DYNC1I1: variants seen among roughly 807,000 people sequenced by gnomAD.
DYNC1I1 encodes the protein cytoplasmic dynein 1 intermediate chain 1.
A neutral mutation model predicts 86.6 loss-of-function variants in DYNC1I1; 43 were observed. The ratio of observed to expected loss-of-function variants is 0.50; its 90% CI spans 0.39 to 0.64. DYNC1I1 has a LOEUF of 0.64. Ranked by LOEUF, DYNC1I1 falls within the 30% of genes least tolerant of loss-of-function variation. The pLI, the probability that DYNC1I1 is intolerant of heterozygous loss-of-function variation, is 0.00. For missense variants in DYNC1I1, 604 were observed against 788.8 expected (o/e 0.77, Z 2.81); for synonymous variants, 262 against 283.7 (o/e 0.92, Z 0.77).
chr7:96,081,125 T>G (rs1790508914), intron 16 of DYNC1I1, among the ~76,000 whole-genome samples: 1 of 151,526 alleles, frequency 6.6e-6, no homozygotes, highest in East Asian at 1.9e-4. Flanking sequence ...ATGCTAAAAT[T>G]GAAAAGTTGA....
intron 1 of DYNC1I1, among the ~76,000 whole-genome samples, chr7:95,794,608 T>C (rs1011304490): frequency 2.0e-5 from 3 of 152,254 alleles, no homozygotes; most frequent in Middle Eastern, 6.8e-3. Context: ...ACCCTATGGA[T>C]TGATTTTTCT....
intron 14 of DYNC1I1, among the ~76,000 whole-genome samples, chr7:96,074,073 G>T (rs767579065): frequency 4.6e-5 from 7 of 152,098 alleles, no homozygotes; most frequent in Non-Finnish European, 8.8e-5. Context: ...AAGAATTATA[G>T]AATCATAAAA....
At chr7:95,880,589 G>A (rs1231092725) in intron 6 of DYNC1I1, among the ~76,000 whole-genome samples, 1 of 151,312 alleles carries the variant, frequency 6.6e-6, no homozygotes, top group African/African-American at 2.4e-5. Context: ...CCTATTTCAG[G>A]AAATCAATTA....
chr7:96,012,088 C>A (rs1794289349), intron 10 of DYNC1I1, among the ~76,000 whole-genome samples: 1 of 152,040 alleles, frequency 6.6e-6, no homozygotes, highest in South Asian at 2.1e-4. Context: ...TGGCAGGAAG[C>A]TTATTGTTAC....
chr7:95,963,775 A>G (rs997575467), intron 6 of DYNC1I1, among the ~76,000 whole-genome samples: 2 of 152,156 alleles, frequency 1.3e-5, no homozygotes, highest in Non-Finnish European at 2.9e-5. Context: ...CTTTTGACCA[A>G]CCTGATGTTT....
chr7:95,774,914 A>G (rs925354458), intron 1 of DYNC1I1, among the ~76,000 whole-genome samples: 1 of 152,226 alleles, frequency 6.6e-6, no homozygotes, highest in Non-Finnish European at 1.5e-5. Flanking sequence ...CGTAGCATCA[A>G]ATGAAAAGGT....
intron 6 of DYNC1I1, among the ~76,000 whole-genome samples, chr7:95,938,773 G>C (rs1215395979): frequency 6.6e-6 from 1 of 152,166 alleles, no homozygotes; most frequent in Non-Finnish European, 1.5e-5. Flanking sequence ...GGTAGTGGTT[G>C]TGGTAGTGGT....
In DYNC1I1 at chr7:95,827,142, C is replaced by T. The variant is rs144576615; in HGVS notation, c.315-915C>T. On this transcript the variant is annotated intron_variant, in intron 4 of 16. Transcript: ENST00000447467. Reference sequence around the variant, plus strand: ...AACAAAGGGATGCAGGGGCTGAGAACTTATTAAACAGCACGCTCAATGTCA... The same window carrying T: ...AACAAAGGGATGCAGGGGCTGAGAATTTATTAAACAGCACGCTCAATGTCA... 1.2e-3 allele frequency among the ~76,000 whole-genome samples: 190 copies of T among 152,266 alleles called. 1 individual carries two copies. The highest frequency in any genetic ancestry group is 4.4e-3 in the African/African-American group (181 of 41,560).
intron 5 of DYNC1I1, among the ~76,000 whole-genome samples, chr7:95,867,360 A>G (rs888980431): frequency 6.6e-6 from 1 of 152,206 alleles, no homozygotes; most frequent in Non-Finnish European, 1.5e-5. Flanking sequence ...TCACAACTCA[A>G]TGACAGGTAC....
At chr7:96,047,316 G>A (rs150505463) in intron 14 of DYNC1I1, among the ~76,000 whole-genome samples, 2 of 152,134 alleles carry the variant, frequency 1.3e-5, no homozygotes, top group Admixed American at 1.3e-4. Context: ...CTGAAGCTCA[G>A]GGGCAAAGGA....
chr7:95,945,226 A>T (rs1324888856), intron 6 of DYNC1I1, among the ~76,000 whole-genome samples: 1 of 151,992 alleles, frequency 6.6e-6, no homozygotes, highest in African/African-American at 2.4e-5. Flanking sequence ...GGGAAAAAAG[A>T]AGTATTACTT....
intron 10 of DYNC1I1, among the ~76,000 whole-genome samples, chr7:96,000,611 G>T (rs998743390): frequency 1.3e-5 from 2 of 152,126 alleles, no homozygotes; most frequent in African/African-American, 4.8e-5. Flanking sequence ...GAGAATGACC[G>T]ATCCGATGAG....
chr7:96,079,098 C>T (rs1208980969), intron 15 of DYNC1I1, among the ~76,000 whole-genome samples: 2 of 151,626 alleles, frequency 1.3e-5, no homozygotes, highest in East Asian at 3.9e-4. Context: ...TTATTGATTT[C>T]AAGATTAAGT....
At chr7:95,901,419 A>G (rs541584361) in intron 6 of DYNC1I1, among the ~76,000 whole-genome samples, 14 of 152,242 alleles carry the variant, frequency 9.2e-5, no homozygotes, top group African/African-American at 3.4e-4. Context: ...TTTAAGAATA[A>G]TCACAAATGA....
At chr7:95,885,930 A>G (rs1192828271) in intron 6 of DYNC1I1, among the ~76,000 whole-genome samples, 1 of 152,172 alleles carries the variant, frequency 6.6e-6, no homozygotes, top group East Asian at 1.9e-4. Context: ...ACTTTGGGAG[A>G]TGAAAATAAT....
rs985639895 is a variant in DYNC1I1 at position 95,967,723 on chromosome 7, C to T, written c.491-9789C>T. Among the ~76,000 whole-genome samples the T allele has an allele frequency of 2.6e-5, 4 of 152,294 alleles. No homozygotes were observed. The South Asian group carries it at 8.3e-4, about 32-fold the overall frequency. On this transcript the variant is annotated intron_variant, in intron 6 of 16. Coordinates refer to ENST00000447467, the MANE Select transcript of DYNC1I1 (RefSeq NM_001135556.2). Reference sequence around the variant, plus strand: ...GGCAGGAATTTTTACCTGTTTTGTTCACTGCTGCATCTCCAATACGTAGAA... The same window carrying T: ...GGCAGGAATTTTTACCTGTTTTGTTTACTGCTGCATCTCCAATACGTAGAA...
At chr7:96,095,368 T>G (rs555788106) in intron 16 of DYNC1I1, among the ~76,000 whole-genome samples, 57 of 152,282 alleles carry the variant, frequency 3.7e-4, no homozygotes, top group African/African-American at 1.4e-3. Flanking sequence ...TTGTTAATAG[T>G]CTATAGTTTC....
chr7:95,995,845 C>T (rs2115756126), intron 9 of DYNC1I1, 103 bp from the exon 10 acceptor site: 6 of 1,440,874 alleles, frequency 4.2e-6, no homozygotes, highest in Non-Finnish European at 3.7e-6. Flanking sequence ...TAACAGAAAG[C>T]ACCATTTACA....
At chr7:95,967,705 A>G (rs1793051931) in intron 6 of DYNC1I1, among the ~76,000 whole-genome samples, 1 of 152,152 alleles carries the variant, frequency 6.6e-6, no homozygotes, top group African/African-American at 2.4e-5. Flanking sequence ...GAGGGCAGGA[A>G]TTTTTACCTG....
Sources: allele counts gnomAD v4.1 joint callset (sites outside exome capture counted in the v4.1 genomes callset), GRCh38; gene constraint gnomAD v4.1.1; transcripts MANE v1.5; gene names NCBI Gene and HGNC (gene_info 2026-07-23, HGNC 2026-07-21).